Variants in AGAP3 observed in about 807,000 individuals in gnomAD.
AGAP3 encodes arf-GAP with GTPase, ANK repeat and PH domain-containing protein 3.
In AGAP3, 24 loss-of-function variants were observed where a neutral mutation model predicts 96.9. The observed-to-expected ratio is 0.25, with a 90% CI of 0.18 to 0.35. AGAP3 has a LOEUF of 0.35. Among genes scored for constraint, AGAP3 ranks in the 10% least tolerant of loss-of-function variants. AGAP3 has a pLI of 1.00. For missense variants in AGAP3, 876 were observed against 1,254.2 expected (o/e 0.70, Z 4.55); for synonymous variants, 563 against 536.1 (o/e 1.05, Z -0.69).
rs151283982 is a variant in AGAP3 at position 151,138,155 on chromosome 7, C to G, written c.1508C>G (p.Ser503Trp). 9.4e-6 allele frequency: 15 copies of G among 1,599,946 alleles called. No individual in the cohort carries two copies. In the South Asian group the frequency reaches 1.7e-4, roughly 18 times the overall value. The change falls in exon 12 of 18, where the codon TCG becomes TGG. Residue 503 changes from serine (S) to tryptophan (W), a missense_variant. Ser to Trp is a radical substitution (Grantham distance 177). Coordinates refer to ENST00000397238, the MANE Select transcript of AGAP3 (RefSeq NM_031946.7). ...TTCCCGCCCCCAGGTGCCCCCCACT[C>G]GGCCAGCAGCGCATCCCTGCACTCT... Reference protein sequence around the residue: ...QLGGGTGAPHSASSASLHSER... With the variant: ...QLGGGTGAPHWASSASLHSER...
chr7:151,097,464 G>A (rs1377762217), intron 1 of AGAP3, among the ~76,000 whole-genome samples: 1 of 151,048 alleles, frequency 6.6e-6, no homozygotes, highest in African/African-American at 2.4e-5. Flanking sequence ...CCCAGAAGGC[G>A]GAGGTTGCAG....
At chr7:151,117,886 C>G (rs1424074113) in intron 5 of AGAP3, 109 bp downstream of exon 5, 9 of 1,415,096 alleles carry the variant, frequency 6.4e-6, no homozygotes, top group Non-Finnish European at 8.4e-6. Flanking sequence ...CTACTCTTTT[C>G]CCAGTGCTGA....
At chr7:151,089,987 C>A (rs1798321104) in intron 1 of AGAP3, 1 of 152,132 alleles carries the variant, frequency 6.6e-6, no homozygotes. Flanking sequence ...AGTGAGCGCT[C>A]CCTGACAGCT....
intron 9 of AGAP3, chr7:151,128,371 T>C (rs1800266228): frequency 5.5e-6 from 3 of 546,384 alleles, no homozygotes; most frequent in Non-Finnish European, 9.9e-6. Flanking sequence ...TGCTTCCTGA[T>C]GGATGATGGG....
Position 151,144,223 on chromosome 7 carries a change from C to T in AGAP3, c.*280C>T. On this transcript the variant is annotated 3_prime_UTR_variant, in exon 18 of 18. Coordinates refer to ENST00000397238, the MANE Select transcript of AGAP3 (RefSeq NM_031946.7). ...TGAGGAGAGGGGAGCAGGACCTCTC[C>T]CTCCTCCAGATCCCTGCCTCCTAGT... 2.3e-6 allele frequency: 1 copy of T among 444,316 alleles called. No homozygotes were observed. Among genetic ancestry groups the T allele is most frequent in the Non-Finnish European group, 4.0e-6 (1 of 248,078 alleles). The allele number at this position is 444,316 out of a possible 1,614,324, so 27.5% of individuals were successfully genotyped here.
intron 12 of AGAP3, among the ~76,000 whole-genome samples, chr7:151,138,968 C>G (rs1361553357): frequency 1.3e-5 from 2 of 152,182 alleles, no homozygotes; most frequent in Admixed American, 6.5e-5. Context: ...CCGTTTGCCC[C>G]TTTGTTCTCT....
Position 151,143,035 on chromosome 7 carries a change from T to C in AGAP3, c.2274-306T>C, listed in dbSNP as rs1017322578. ...AGAGAGTTCAGACGGCCAGATAAGC[T>C]GCAACACGGGCCTGCCTGGAATCTT... On this transcript the variant is annotated intron_variant, in intron 16 of 17. Coordinates refer to ENST00000397238, the MANE Select transcript of AGAP3 (RefSeq NM_031946.7). This position sits in a 1 kb window ranked among gnomAD's most constrained non-coding sequence, Gnocchi z 5.9. Among the ~76,000 whole-genome samples the C allele has an allele frequency of 6.6e-6, 1 of 152,066 alleles. No individual in the cohort carries two copies. Among genetic ancestry groups the C allele is most frequent in the Admixed American group, 6.6e-5 (1 of 15,266 alleles).
At position 151,142,248 on chromosome 7, in the gene AGAP3, C is replaced by A; in HGVS notation, c.2045C>A (p.Ala682Glu). ...AACAGCTTTTGTATCGACTGCGATG[C>A]ACCCAGTGAGTGCAAGGCTGGTGGG... ...RGNSFCIDCD[A>E]PNPDWASLNL... Residue 682 changes from alanine (A) to glutamate (E), a missense_variant, in exon 15 of 18, where the codon GCA (alanine) becomes GAA (glutamate). Ala to Glu is a moderately radical substitution (Grantham distance 107, BLOSUM62 -1). Transcript: ENST00000397238. This position sits in a 1 kb window ranked among gnomAD's most constrained non-coding sequence, Gnocchi z 7.5. 2 of 1,612,876 alleles carry A rather than the reference C, an allele frequency of 1.2e-6. No individual in the cohort carries two copies. The highest frequency in any genetic ancestry group is 1.7e-6 in the Non-Finnish European group (2 of 1,179,902).
At chr7:151,088,336 C>T (rs1798242933) in intron 1 of AGAP3, among the ~76,000 whole-genome samples, 1 of 152,178 alleles carries the variant, frequency 6.6e-6, no homozygotes, top group Non-Finnish European at 1.5e-5. Context: ...TATTTCTTTC[C>T]TCTCAAGGCT....
intron 12 of AGAP3, among the ~76,000 whole-genome samples, chr7:151,138,558 C>T (rs1269759347): frequency 1.3e-5 from 2 of 152,198 alleles, no homozygotes; most frequent in Non-Finnish European, 2.9e-5. Context: ...CCCTTTTCCC[C>T]AGAGCCCCCA....
At chr7:151,125,282 G>C (rs756558475) in intron 9 of AGAP3, among the ~76,000 whole-genome samples, 3 of 152,188 alleles carry the variant, frequency 2.0e-5, no homozygotes, top group Non-Finnish European at 2.9e-5. Flanking sequence ...GGGGTCCTAC[G>C]TGCTCCCTTT....
At chr7:151,116,504 A>G (rs1799591312) in intron 1 of AGAP3, 2 of 498,592 alleles carry the variant, frequency 4.0e-6, no homozygotes, top group Non-Finnish European at 7.2e-6. Context: ...GGGGGACAAT[A>G]AACCTGCTGG....
intron 1 of AGAP3, 174 bp downstream of exon 1, chr7:151,087,246 A>G (rs993912810): frequency 4.3e-6 from 3 of 690,610 alleles, no homozygotes; most frequent in Non-Finnish European, 7.3e-6. Context: ...CAGCTTCGCC[A>G]TATCTCGTTC....
At position 151,115,219 on chromosome 7, in the gene AGAP3, C is replaced by T. The variant is rs1266538912; in HGVS notation, c.332-1574C>T. On this transcript the variant is annotated intron_variant, in intron 1 of 17. Transcript: ENST00000397238. ...GCGCCGGGCGCGGGTCTGGGGCGCG[C>T]GGGCAGCGCGGGCTTCCTGCGCGGC... 4.0e-6 allele frequency: 4 copies of T among 1,000,982 alleles called. No individual in the cohort carries two copies. The South Asian group carries it at 1.8e-4, about 45-fold the overall frequency. The allele number at this position is 1,000,982 out of a possible 1,614,324, so 62.0% of individuals were successfully genotyped here.
At chr7:151,093,380 A>G (rs1798474803) in intron 1 of AGAP3, among the ~76,000 whole-genome samples, 1 of 151,962 alleles carries the variant, frequency 6.6e-6, no homozygotes, top group Non-Finnish European at 1.5e-5. Context: ...GACTCAAGCA[A>G]TTTTTCCACC....
At position 151,114,647 on chromosome 7, in the gene AGAP3, G is replaced by C. The variant is rs540534805; in HGVS notation, c.332-2146G>C. Reference sequence around the variant, plus strand: ...CGGCCGCGAGGTGGAGGAGTTGAGGGACTCGGTCGGCCCACACCAGGTGCC... The same window carrying C: ...CGGCCGCGAGGTGGAGGAGTTGAGGCACTCGGTCGGCCCACACCAGGTGCC... On this transcript the variant is annotated intron_variant, in intron 1 of 17. Transcript: ENST00000397238. The surrounding 1 kb of genome is among the most constrained non-coding windows in gnomAD (Gnocchi z 4.4). 2 of 903,820 alleles carry C rather than the reference G, an allele frequency of 2.2e-6. No homozygotes were observed. The highest frequency in any genetic ancestry group is 2.7e-6 in the Non-Finnish European group (2 of 753,774). The allele number at this position is 903,820 out of a possible 1,614,324, so 56.0% of individuals were successfully genotyped here. A position where few individuals can be genotyped will look rare whatever the true frequency, so the allele number is the denominator to read the frequency against.
chr7:151,131,166 G>A (rs1299022241), intron 10 of AGAP3: 1 of 152,344 alleles, frequency 6.6e-6, no homozygotes, highest in South Asian at 2.1e-4. Context: ...TGAGTTCGTG[G>A]GCCAGCCCTG....
intron 11 of AGAP3, chr7:151,136,351 C>T (rs145618985): frequency 2.6e-5 from 4 of 152,322 alleles, no homozygotes; most frequent in East Asian, 1.9e-4. Context: ...GAGACAGCCC[C>T]GTGCCCTCGC....
intron 1 of AGAP3, among the ~76,000 whole-genome samples, chr7:151,098,690 A>G (rs1426104578): frequency 6.6e-6 from 1 of 151,916 alleles, no homozygotes; most frequent in Non-Finnish European, 1.5e-5. Flanking sequence ...TGGTTGTAAA[A>G]ATTGAATACT....
Sources: gnomAD v4.1 joint callset for allele counts (sites outside exome capture counted in the v4.1 genomes callset) on GRCh38, gnomAD v4.1.1 for gene constraint, Gnocchi (gnomAD v3.1) non-coding constraint, MANE v1.5 for transcripts, NCBI Gene and HGNC (gene_info 2026-07-23, HGNC 2026-07-21) for gene names.